The following CNTN6 variants were observed in gnomAD, a reference collection of about 807,000 sequenced individuals.
CNTN6 encodes contactin 6, also known as contactin-6.
Under a neutral mutation model 122.8 loss-of-function variants are expected in CNTN6, and 137 were observed. The observed-to-expected ratio is 1.12, with a 90% CI of 0.97 to 1.29. CNTN6 has a LOEUF of 1.29. Ranked by LOEUF, CNTN6 falls within the 50% of genes most tolerant of loss-of-function variation. The pLI is 0.00. For synonymous variants in CNTN6, 570 were observed against 426.0 expected, an observed-to-expected ratio of 1.34 and a Z score of -4.16; for missense variants, 1,634 against 1,223.4, an observed-to-expected ratio of 1.34 and a Z score of -5.01.
chr3:1,296,542 T>C (rs914997625), intron 6 of CNTN6, among the ~76,000 whole-genome samples: 6 of 152,208 alleles, frequency 3.9e-5, no homozygotes, highest in Admixed American at 3.9e-4. Flanking sequence ...GTGCATTTTA[T>C]GATTGTATTC....
At chr3:1,350,309 T>C (rs1228860549) in intron 11 of CNTN6, among the ~76,000 whole-genome samples, 4 of 151,792 alleles carry the variant, frequency 2.6e-5, no homozygotes, top group African/African-American at 9.7e-5. Flanking sequence ...CTGAAACTTC[T>C]TGGACCATAT....
At chr3:1,257,817 C>T (rs1452682434) in intron 4 of CNTN6, among the ~76,000 whole-genome samples, 5 of 152,270 alleles carry the variant, frequency 3.3e-5, no homozygotes, top group East Asian at 3.9e-4. Context: ...CATTTAACAA[C>T]AAAAGACAAA....
chr3:1,265,037 G>A (rs914870828), intron 4 of CNTN6, among the ~76,000 whole-genome samples: 18 of 118,330 alleles, frequency 1.5e-4, no homozygotes, highest in African/African-American at 4.7e-4. Context: ...ACAAATGACC[G>A]AATTTCCTTT....
chr3:1,158,969 C>CACACACACATATATATAT (rs1553610778), intron 2 of CNTN6, among the ~76,000 whole-genome samples: 14 of 112,966 alleles, frequency 1.2e-4, no homozygotes, highest in African/African-American at 4.6e-4. Flanking sequence ...CACACACACA[C>CACACACACATATATATAT]ATATATATAT....
intron 4 of CNTN6, among the ~76,000 whole-genome samples, chr3:1,231,029 T>C (rs1385521207): frequency 6.6e-6 from 1 of 152,194 alleles, no homozygotes; most frequent in Admixed American, 6.5e-5. Context: ...AACCTCTCCA[T>C]GGGATCAGGC....
chr3:1,355,845 ATT>A (rs1334035421), intron 12 of CNTN6, among the ~76,000 whole-genome samples: 2 of 151,746 alleles, frequency 1.3e-5, no homozygotes, highest in African/African-American at 4.8e-5. Flanking sequence ...AGAGTGAGAT[ATT>A]TTCCAGCTTA....
chr3:1,398,639 T>A lies in CNTN6; in HGVS notation c.2705-2794T>A, dbSNP rs184243043. Among the ~76,000 whole-genome samples, 140 of 152,266 alleles carry A rather than the reference T, an allele frequency of 9.2e-4. 1 individual carries two copies. Among genetic ancestry groups the A allele is most frequent in the Non-Finnish European group, 9.6e-4 (65 of 67,996 alleles). The stretch of plus-strand genomic sequence containing the variant: ...GAGAATTAACAGTTACAGGGCTTTT[T>A]AATATATACCACTAACCAAATGAGG... On this transcript the variant is annotated intron_variant, in intron 20 of 22. Transcript: ENST00000446702.
At chr3:1,134,477 C>G (rs2092421648) in intron 1 of CNTN6, among the ~76,000 whole-genome samples, 1 of 152,090 alleles carries the variant, frequency 6.6e-6, no homozygotes, top group Non-Finnish European at 1.5e-5. Flanking sequence ...TTTTAGCATC[C>G]TGACATAATC....
rs1057465040 is a variant in CNTN6 at position 1,278,278 on chromosome 3, T to G, written c.359-135T>G. 8.9e-5 allele frequency: 52 copies of G among 583,756 alleles called. No individual in the cohort carries two copies. In the African/African-American group the frequency reaches 9.1e-4, roughly 10 times the overall value. 36.2% of individuals were successfully genotyped at this position (583,756 alleles called of 1,614,324 possible). On this transcript the variant is annotated intron_variant, in intron 4 of 22. Coordinates refer to ENST00000446702, the MANE Select transcript of CNTN6 (RefSeq NM_001289080.2). ...TAATAATAAGTGCAGTTAAATTGAT[T>G]GTCAACTAAGTCTTCTGGTCAGCAA...
At chr3:1,253,239 C>G (rs1434069417) in intron 4 of CNTN6, among the ~76,000 whole-genome samples, 2 of 152,122 alleles carry the variant, frequency 1.3e-5, no homozygotes, top group African/African-American at 4.8e-5. Context: ...ACACCATGTC[C>G]TTTACCCTTG....
At chr3:1,202,959 T>A (rs1474345365) in intron 2 of CNTN6, among the ~76,000 whole-genome samples, 1 of 152,176 alleles carries the variant, frequency 6.6e-6, no homozygotes, top group Non-Finnish European at 1.5e-5. Context: ...TTATGGTGTT[T>A]ATGAAGTTTA....
intron 1 of CNTN6, among the ~76,000 whole-genome samples, chr3:1,127,334 T>C (rs573492513): frequency 6.6e-6 from 1 of 151,928 alleles, no homozygotes; most frequent in Admixed American, 6.6e-5. Flanking sequence ...TATTACATAA[T>C]GGACAAAAGG....
Position 1,356,599 on chromosome 3 carries a change from A to G in CNTN6, c.1492+4148A>G, listed in dbSNP as rs568168893. 2.0e-5 allele frequency among the ~76,000 whole-genome samples: 3 copies of G among 151,960 alleles called. No homozygotes were observed. In the East Asian group the frequency reaches 5.8e-4, roughly 30 times the overall value. On this transcript the variant is annotated intron_variant, in intron 12 of 22. Coordinates refer to ENST00000446702, the MANE Select transcript of CNTN6 (RefSeq NM_001289080.2). ...CAAGCCCAGTTTGATTGAGCAGACC[A>G]AAAGTACACTTTCAGAGAAATGACA... is the stretch of plus-strand genomic sequence containing the variant.
intron 11 of CNTN6, 40 bp from the exon 12 acceptor site, chr3:1,352,284 G>C (rs1705760582): frequency 2.1e-6 from 3 of 1,451,108 alleles, no homozygotes; most frequent in East Asian, 4.9e-5. Flanking sequence ...TACCAGTGTT[G>C]AAGAGCCTTA....
rs561157166 is a variant in CNTN6, at chr3:1,256,530, A to G, written c.359-21883A>G. On this transcript the variant is annotated intron_variant, in intron 4 of 22. Transcript: ENST00000446702. ...AATTTCAGAGATGTCCTGAGGTTGG[A>G]TATAAGGGTCTGGATTGCCAACAGA... Among the ~76,000 whole-genome samples, 65 of 152,280 alleles carry G rather than the reference A, an allele frequency of 4.3e-4. No individual in the cohort carries two copies. The South Asian group carries it at 8.3e-3, about 19-fold the overall frequency.
intron 4 of CNTN6, among the ~76,000 whole-genome samples, chr3:1,268,973 C>A (rs1303888834): frequency 1.3e-5 from 2 of 151,904 alleles, no homozygotes; most frequent in Admixed American, 6.6e-5. Context: ...AGAGTGAGAC[C>A]CTGTCTCAAA....
chr3:1,305,150 G>C (rs1698147502), intron 7 of CNTN6, among the ~76,000 whole-genome samples: 1 of 152,078 alleles, frequency 6.6e-6, no homozygotes, highest in African/African-American at 2.4e-5. Flanking sequence ...TAAAAGTCTG[G>C]TATACCTGAT....
intron 11 of CNTN6, among the ~76,000 whole-genome samples, chr3:1,347,307 G>A (rs1176463290): frequency 6.6e-6 from 1 of 152,108 alleles, no homozygotes; most frequent in Non-Finnish European, 1.5e-5. Flanking sequence ...TATAATCAGT[G>A]ATTTAATTAT....
chr3:1,253,928 TAATG>T (rs1331026132), intron 4 of CNTN6, among the ~76,000 whole-genome samples: 8 of 152,176 alleles, frequency 5.3e-5, no homozygotes, highest in Middle Eastern at 3.2e-3. Flanking sequence ...TATATAAAAA[TAATG>T]TATGTATGTA....
Sources: gnomAD v4.1 joint callset for allele counts (sites outside exome capture counted in the v4.1 genomes callset) on GRCh38, gnomAD v4.1.1 for gene constraint, MANE v1.5 for transcripts, NCBI Gene and HGNC (gene_info 2026-07-23, HGNC 2026-07-21) for gene names.